PLD1: variants seen among roughly 807,000 people sequenced by gnomAD.
PLD1 encodes choline phosphatase 1.
In PLD1, 112 loss-of-function variants were observed where a neutral mutation model predicts 137.1. The observed-to-expected ratio is 0.82, with a 90% CI of 0.70 to 0.96. The LOEUF (loss-of-function observed/expected upper bound fraction) is 0.96, where lower values mean the gene tolerates loss of function less well. Among genes scored for constraint, PLD1 ranks in the 40% least tolerant of loss-of-function variants. The pLI is 0.00. For missense variants in PLD1, 1,321 were observed against 1,342.0 expected, an observed-to-expected ratio of 0.98 and a Z score of 0.24; for synonymous variants, 431 against 454.7, an observed-to-expected ratio of 0.95 and a Z score of 0.66.
At chr3:171,626,843 C>G (rs1171627521) in intron 23 of PLD1, among the ~76,000 whole-genome samples, 1 of 152,174 alleles carries the variant, frequency 6.6e-6, no homozygotes, top group Non-Finnish European at 1.5e-5. Context: ...AAAAGAGCTC[C>G]TGAAGGAAGC....
At chr3:171,608,532 C>A (rs1194162778) in intron 25 of PLD1, among the ~76,000 whole-genome samples, 1 of 152,126 alleles carries the variant, frequency 6.6e-6, no homozygotes. Flanking sequence ...AAATGCACAG[C>A]CACAATAATT....
rs114346519 is a variant in PLD1 at position 171,691,523 on chromosome 3, T to A, written c.1338+809A>T. ...TGCAGTTAAATGTAACATCTTAAAGTTGTAACATTCTAATTTGTATTTATA... is the reference window on the plus strand; with the variant it reads ...TGCAGTTAAATGTAACATCTTAAAGATGTAACATTCTAATTTGTATTTATA... On this transcript the variant is annotated intron_variant, in intron 13 of 26. Coordinates refer to ENST00000351298, the MANE Select transcript of PLD1 (RefSeq NM_002662.5). 6.1e-3 allele frequency among the ~76,000 whole-genome samples: 922 copies of A among 152,326 alleles called. 7 individuals carry two copies. Among genetic ancestry groups the A allele is most frequent in the Non-Finnish European group, 0.011 (758 of 68,014 alleles).
chr3:171,674,995 A>AG (rs1353825350), intron 18 of PLD1, among the ~76,000 whole-genome samples: 3 of 140,200 alleles, frequency 2.1e-5, no homozygotes, highest in African/African-American at 3.1e-5. Context: ...AAAAAAAAAA[A>AG]AAAAGAAAAA....
At chr3:171,671,581 T>G (rs1301411132) in intron 19 of PLD1, among the ~76,000 whole-genome samples, 1 of 152,202 alleles carries the variant, frequency 6.6e-6, no homozygotes, top group East Asian at 1.9e-4. Context: ...GTCTAATAAG[T>G]TCTTCATGTG....
At chr3:171,674,111 G>T (rs1713079286) in intron 19 of PLD1, among the ~76,000 whole-genome samples, 1 of 152,162 alleles carries the variant, frequency 6.6e-6, no homozygotes, top group Admixed American at 6.5e-5. Flanking sequence ...AAGACATTTG[G>T]TTAATCAGGA....
intron 1 of PLD1, among the ~76,000 whole-genome samples, chr3:171,755,684 C>T (rs1720974264): frequency 1.3e-5 from 2 of 152,186 alleles, no homozygotes; most frequent in African/African-American, 4.8e-5. Flanking sequence ...ACATTCCTTT[C>T]CTCTTGGCTT....
intron 1 of PLD1, among the ~76,000 whole-genome samples, chr3:171,785,756 T>C (rs555615432): frequency 9.9e-5 from 15 of 152,192 alleles, no homozygotes; most frequent in Non-Finnish European, 2.1e-4. Flanking sequence ...TATTTTACAC[T>C]TAGAGCACAT....
At position 171,735,569 on chromosome 3, in the gene PLD1, T is replaced by C. The variant is rs747278264; in HGVS notation, c.357A>G (p.Lys119=). The C allele has an allele frequency of 6.2e-7, 1 of 1,602,606 alleles. No homozygotes were observed. Among genetic ancestry groups the C allele is most frequent in the Non-Finnish European group, 8.6e-7 (1 of 1,169,544 alleles). ...TGTGAAATTCTTGAAAATGCTTGAA[T>C]TTCCTCTTAACTTGCCATTTAAATT... The part of the protein sequence containing the change: ...HGEFKWQVKR[K]FKHFQEFHRE... The change falls in exon 4 of 27, where the codon AAA becomes AAG. Residue 119 remains lysine (K), a synonymous_variant. Coordinates refer to ENST00000351298, the MANE Select transcript of PLD1 (RefSeq NM_002662.5).
intron 8 of PLD1, among the ~76,000 whole-genome samples, chr3:171,722,111 T>C (rs191496733): frequency 1.1e-3 from 175 of 152,322 alleles, no homozygotes; most frequent in African/African-American, 3.8e-3. Context: ...TTTTAATAGT[T>C]TTTCAAAATC....
intron 1 of PLD1, among the ~76,000 whole-genome samples, chr3:171,798,889 T>C (rs1017662081): frequency 6.6e-6 from 1 of 152,302 alleles, no homozygotes; most frequent in Non-Finnish European, 1.5e-5. Context: ...TTAGGAGGAC[T>C]GTGTCCTCAG....
intron 23 of PLD1, among the ~76,000 whole-genome samples, chr3:171,622,694 T>C (rs1417683385): frequency 6.6e-6 from 1 of 150,840 alleles, no homozygotes; most frequent in African/African-American, 2.4e-5. Flanking sequence ...TTCAATACTA[T>C]TTAATATTGC....
chr3:171,682,108 AAAAGAAAGAAAGAAAGAAAG>A (rs61458676), intron 16 of PLD1, among the ~76,000 whole-genome samples: 53 of 99,070 alleles, frequency 5.3e-4, no homozygotes, highest in Admixed American at 1.4e-3. Context: ...TACAGAAAGA[AAAAGAAAGAAAGAAAGAAAG>A]AAAGAAAGAA....
At chr3:171,752,733 T>C (rs1361696427) in intron 1 of PLD1, among the ~76,000 whole-genome samples, 2 of 152,254 alleles carry the variant, frequency 1.3e-5, no homozygotes, top group African/African-American at 4.8e-5. Context: ...CAGTGGGCAG[T>C]ATTTTACTAT....
chr3:171,809,782 T>C (rs930629704), intron 1 of PLD1: 4 of 152,160 alleles, frequency 2.6e-5, no homozygotes, highest in African/African-American at 9.7e-5. Context: ...CCTTCAATCG[T>C]ATTGTGAGGA....
chr3:171,614,135 A>G (rs1374419430), intron 24 of PLD1, among the ~76,000 whole-genome samples: 1 of 152,216 alleles, frequency 6.6e-6, no homozygotes, highest in Non-Finnish European at 1.5e-5. Context: ...ATATAAATCT[A>G]TGATGACTAT....
At chr3:171,645,870 C>G (rs902068950) in intron 21 of PLD1, among the ~76,000 whole-genome samples, 1 of 119,198 alleles carries the variant, frequency 8.4e-6, no homozygotes, top group African/African-American at 3.4e-5. Flanking sequence ...GGTGACAGAG[C>G]GAGACTCCAT....
At position 171,686,729 on chromosome 3, in the gene PLD1, T is replaced by C. The variant is rs577809685; in HGVS notation, c.1823A>G (p.His608Arg). The change falls in exon 16 of 27, where the codon CAC (histidine) becomes CGC (arginine). Residue 608 changes from histidine to arginine, a missense_variant. By Grantham distance (29) the His-to-Arg change is conservative. Coordinates refer to ENST00000351298, the MANE Select transcript of PLD1 (RefSeq NM_002662.5). Reference protein sequence around the residue: ...HGLKPHFKLFHPSSESEQGLT... With the variant: ...HGLKPHFKLFRPSSESEQGLT... ...TCCTTGCTCAGACTCACTGGACGGG[T>C]GAAAGAGTTTGAAGTGGGGTTTTAA... 77 of 1,609,640 alleles carry C rather than the reference T, an allele frequency of 4.8e-5. No homozygotes were observed. The highest frequency in any genetic ancestry group is 6.5e-5 in the Non-Finnish European group (76 of 1,176,018).
intron 1 of PLD1, among the ~76,000 whole-genome samples, chr3:171,779,548 G>A (rs1003529747): frequency 3.3e-5 from 5 of 152,220 alleles, no homozygotes; most frequent in Admixed American, 6.5e-5. Flanking sequence ...ATATCCAAAC[G>A]AAGAGAAGTA....
chr3:171,632,754 T>G (rs982437576), intron 23 of PLD1, among the ~76,000 whole-genome samples: 1 of 152,222 alleles, frequency 6.6e-6, no homozygotes, highest in South Asian at 2.1e-4. Context: ...CAAAATTAAT[T>G]TTTTTAAGAT....
Sources: allele counts gnomAD v4.1 joint callset (sites outside exome capture counted in the v4.1 genomes callset), GRCh38; gene constraint gnomAD v4.1.1; transcripts MANE v1.5; gene names NCBI Gene and HGNC (gene_info 2026-07-23, HGNC 2026-07-21).